COL25A1: variants seen among roughly 807,000 people sequenced by gnomAD.
The protein encoded by COL25A1 is collagen type XXV alpha 1 chain, also known as collagen alpha-1(XXV) chain.
In COL25A1, 103 loss-of-function variants were observed where a neutral mutation model predicts 128.4. That is an observed-to-expected ratio of 0.80 (90% confidence interval 0.68 to 0.94). COL25A1 has a LOEUF of 0.94. COL25A1 is among the 40% of genes least tolerant of loss of function. The probability of loss-of-function intolerance (pLI) is 0.00; values close to 1 mark genes in which losing one functional copy is unlikely to be tolerated. For synonymous variants in COL25A1, 279 were observed against 277.2 expected (o/e 1.01, Z -0.06); for missense variants, 745 against 840.0 (o/e 0.89, Z 1.40).
intron 3 of COL25A1, among the ~76,000 whole-genome samples, chr4:109,089,034 T>C (rs1223463894): frequency 1.3e-5 from 2 of 152,018 alleles, no homozygotes; most frequent in African/African-American, 4.8e-5. Flanking sequence ...CAGAGATAAA[T>C]GAAAAAGGGG....
chr4:108,811,923 G>C lies in COL25A1; in HGVS notation c.*2004C>G, dbSNP rs1468926631. 7.2e-5 allele frequency: 11 copies of C among 152,168 alleles called. No individual in the cohort carries two copies. The highest frequency in any genetic ancestry group is 2.7e-4 in the African/African-American group (11 of 41,434). The allele number at this position is 152,168 out of a possible 1,614,324, so 9.4% of individuals were successfully genotyped here. ...AGGATTTTAGGTTCCTTGTCTTATG[G>C]TTATATCTTAACTATAAGCCAAGGA... is the stretch of plus-strand genomic sequence containing the variant. On this transcript the variant is annotated 3_prime_UTR_variant, in exon 38 of 38. Coordinates refer to ENST00000399132, the MANE Select transcript of COL25A1 (RefSeq NM_198721.4).
At chr4:109,110,969 A>G (rs918188836) in intron 3 of COL25A1, among the ~76,000 whole-genome samples, 1 of 152,172 alleles carries the variant, frequency 6.6e-6, no homozygotes, top group African/African-American at 2.4e-5. Flanking sequence ...TTCCAGAGTG[A>G]TCTAAAATTC....
At chr4:109,184,490 G>A (rs1774962028) in intron 3 of COL25A1, among the ~76,000 whole-genome samples, 2 of 152,128 alleles carry the variant, frequency 1.3e-5, no homozygotes, top group African/African-American at 4.8e-5. Context: ...CGGCTGCACT[G>A]GCTCCTAGTG....
At chr4:109,111,306 C>T (rs942866236) in intron 3 of COL25A1, among the ~76,000 whole-genome samples, 1 of 152,200 alleles carries the variant, frequency 6.6e-6, no homozygotes. Flanking sequence ...CCCTATCCCA[C>T]AGTCATTTCT....
intron 3 of COL25A1, among the ~76,000 whole-genome samples, chr4:109,291,203 C>G (rs1382291832): frequency 1.3e-5 from 2 of 152,098 alleles, no homozygotes; most frequent in African/African-American, 2.4e-5. Context: ...GCATTCATTT[C>G]AATGCGAGGT....
intron 5 of COL25A1, among the ~76,000 whole-genome samples, chr4:109,020,261 C>G (rs1008975338): frequency 2.6e-5 from 4 of 152,106 alleles, no homozygotes; most frequent in Non-Finnish European, 4.4e-5. Flanking sequence ...GTTGTGCTAT[C>G]CTACAGGATA....
chr4:109,034,065 T>A (rs770892692), intron 5 of COL25A1, among the ~76,000 whole-genome samples: 6 of 152,142 alleles, frequency 3.9e-5, no homozygotes, highest in Non-Finnish European at 7.4e-5. Flanking sequence ...GAAAATAGAT[T>A]CCCTTGATAG....
chr4:109,054,007 T>C (rs1257521740), intron 3 of COL25A1, among the ~76,000 whole-genome samples: 2 of 152,156 alleles, frequency 1.3e-5, no homozygotes, highest in African/African-American at 4.8e-5. Context: ...GGCTTAATGG[T>C]CACCACTGAC....
chr4:108,864,216 C>A (rs1737608338), intron 20 of COL25A1, among the ~76,000 whole-genome samples: 1 of 152,102 alleles, frequency 6.6e-6, no homozygotes, highest in East Asian at 1.9e-4. Context: ...AATAGAAAGA[C>A]CTTTAAAGGG....
intron 3 of COL25A1, among the ~76,000 whole-genome samples, chr4:109,142,674 C>CT (rs1352525301): frequency 1.3e-5 from 2 of 151,594 alleles, no homozygotes; most frequent in Non-Finnish European, 2.9e-5. Context: ...CCTTCTTTGT[C>CT]TTTTTTTGAT....
At chr4:109,180,101 G>C (rs1774485931) in intron 3 of COL25A1, among the ~76,000 whole-genome samples, 1 of 152,130 alleles carries the variant, frequency 6.6e-6, no homozygotes, top group South Asian at 2.1e-4. Flanking sequence ...TCATTTTAAT[G>C]CATGTGTTTA....
At chr4:109,001,366 A>G (rs973083505) in intron 6 of COL25A1, among the ~76,000 whole-genome samples, 6 of 9,700 alleles carry the variant, frequency 6.2e-4, no homozygotes, top group Non-Finnish European at 3.7e-3. Context: ...CCACAGTTAA[A>G]AGAAACAGGC....
chr4:109,166,325 T>TAAAC (rs1936442756), intron 3 of COL25A1, among the ~76,000 whole-genome samples: 1 of 152,216 alleles, frequency 6.6e-6, no homozygotes, highest in South Asian at 2.1e-4. Context: ...CCTTAAAGCT[T>TAAAC]TTCCTGTAAA....
At chr4:108,847,199 C>G (rs921157828) in intron 27 of COL25A1, among the ~76,000 whole-genome samples, 4 of 152,000 alleles carry the variant, frequency 2.6e-5, no homozygotes, top group Non-Finnish European at 5.9e-5. Flanking sequence ...AGCCACCATG[C>G]CTGGCCTGAA....
At chr4:109,242,552 A>G (rs1426031194) in intron 3 of COL25A1, among the ~76,000 whole-genome samples, 1 of 152,128 alleles carries the variant, frequency 6.6e-6, no homozygotes. Context: ...CCAGGAGACC[A>G]TAAGTCACAT....
intron 18 of COL25A1, among the ~76,000 whole-genome samples, chr4:108,887,339 A>T (rs1740955441): frequency 6.6e-6 from 1 of 152,132 alleles, no homozygotes; most frequent in Admixed American, 6.6e-5. Context: ...GCCGTGGAAG[A>T]TCTCTTGAAG....
At chr4:108,950,232 C>T (rs1036696672) in intron 8 of COL25A1, among the ~76,000 whole-genome samples, 2 of 152,176 alleles carry the variant, frequency 1.3e-5, no homozygotes, top group African/African-American at 4.8e-5. Context: ...TAGAAAGACA[C>T]TCCACCAAAC....
rs754670375 is a variant in COL25A1 at position 108,824,223 on chromosome 4, A to G, written c.1796T>C (p.Phe599Ser). Residue 599 changes from phenylalanine (F) to serine (S), a missense_variant, in exon 35 of 38, where the codon TTC (phenylalanine) becomes TCC (serine). Coordinates refer to ENST00000399132, the MANE Select transcript of COL25A1 (RefSeq NM_198721.4). ...ACCCTTCTCACCCCGTGGACCAGGG[A>G]AGCCCTGTAAGATAAAAAGCAAACC... is the stretch of plus-strand genomic sequence containing the variant. ...GKDGEPGLDG[F>S]PGPRGEKGDL... 2 of 1,608,784 alleles carry G rather than the reference A, an allele frequency of 1.2e-6. No homozygotes were observed. The highest frequency in any genetic ancestry group is 1.3e-5 in the African/African-American group (1 of 74,700).
At chr4:109,107,234 C>T in intron 3 of COL25A1, among the ~76,000 whole-genome samples, 1 of 151,994 alleles carries the variant, frequency 6.6e-6, no homozygotes, top group Non-Finnish European at 1.5e-5. Flanking sequence ...TTTACCCTGT[C>T]TCCACAAAAT....
Sources: allele counts gnomAD v4.1 joint callset (sites outside exome capture counted in the v4.1 genomes callset), GRCh38; gene constraint gnomAD v4.1.1; transcripts MANE v1.5; gene names NCBI Gene and HGNC (gene_info 2026-07-23, HGNC 2026-07-21).